The following RCAN2 variants were observed in gnomAD, a reference collection of about 807,000 sequenced individuals.
RCAN2 encodes calcipressin-2.
A neutral mutation model predicts 23.6 loss-of-function variants in RCAN2; 9 were observed. The observed-to-expected ratio is 0.38, with a 90% CI of 0.23 to 0.67. The LOEUF (loss-of-function observed/expected upper bound fraction) is 0.67. Among genes scored for constraint, RCAN2 ranks in the 30% least tolerant of loss-of-function variants. RCAN2 has a pLI of 0.51. For synonymous variants in RCAN2, 109 were observed against 115.7 expected (o/e 0.94, Z 0.37); for missense variants, 273 against 302.3 (o/e 0.90, Z 0.72).
In RCAN2 at chr6:46,312,123, C is replaced by A. The variant is rs544595256; in HGVS notation, c.226-63227G>T. On this transcript the variant is annotated intron_variant, in intron 2 of 4. Transcript: ENST00000371374. ...CACCTACTAAATGTAGATACTTAACCTATGAAGCTGTAACTCATGGGTTAC... is the reference window on the plus strand; with the variant it reads ...CACCTACTAAATGTAGATACTTAACATATGAAGCTGTAACTCATGGGTTAC... Among the ~76,000 whole-genome samples, 117 of 152,246 alleles carry A rather than the reference C, an allele frequency of 7.7e-4. 1 individual carries two copies. Among genetic ancestry groups the A allele is most frequent in the African/African-American group, 2.8e-3 (115 of 41,548 alleles).
intron 2 of RCAN2, among the ~76,000 whole-genome samples, chr6:46,328,803 GT>G (rs1763873149): frequency 1.3e-5 from 2 of 152,180 alleles, no homozygotes; most frequent in East Asian, 3.9e-4. Flanking sequence ...AAGAGATGGG[GT>G]TTCACCATGT....
At chr6:46,331,823 A>G (rs149801996) in intron 2 of RCAN2, among the ~76,000 whole-genome samples, 4 of 152,334 alleles carry the variant, frequency 2.6e-5, no homozygotes, top group African/African-American at 9.6e-5. Context: ...TTTCAGATCC[A>G]GGACTACAGA....
chr6:46,439,004 T>A (rs911270320), intron 2 of RCAN2, among the ~76,000 whole-genome samples: 2 of 152,220 alleles, frequency 1.3e-5, no homozygotes, highest in African/African-American at 4.8e-5. Flanking sequence ...CTTAGGTATA[T>A]CTTAGAATAT....
intron 2 of RCAN2, among the ~76,000 whole-genome samples, chr6:46,444,162 T>C (rs1582206582): frequency 6.6e-6 from 1 of 152,040 alleles, no homozygotes; most frequent in South Asian, 2.1e-4. Flanking sequence ...TCTAGGTAGG[T>C]GACACAAAAT....
At chr6:46,309,406 G>T (rs1276325873) in intron 2 of RCAN2, among the ~76,000 whole-genome samples, 1 of 152,140 alleles carries the variant, frequency 6.6e-6, no homozygotes, top group Non-Finnish European at 1.5e-5. Flanking sequence ...AGGAGACATG[G>T]TTGTTTAATA....
At chr6:46,431,299 G>A (rs56404766) in intron 2 of RCAN2, among the ~76,000 whole-genome samples, 5,214 of 152,150 alleles carry the variant, frequency 0.034, 175 homozygotes, top group South Asian at 0.12. Context: ...TCCACCTTCT[G>A]GGCTCAAGCA....
chr6:46,258,816 T>A (rs1767009286), intron 2 of RCAN2, among the ~76,000 whole-genome samples: 1 of 152,148 alleles, frequency 6.6e-6, no homozygotes, highest in African/African-American at 2.4e-5. Flanking sequence ...ATCTAAACAC[T>A]TAGAACTTGA....
chr6:46,285,696 A>C (rs1762354214), intron 2 of RCAN2, among the ~76,000 whole-genome samples: 1 of 152,016 alleles, frequency 6.6e-6, no homozygotes, highest in South Asian at 2.1e-4. Context: ...TTTCTACCAG[A>C]TCTTTGCTAT....
chr6:46,430,174 A>C (rs1767150276), intron 2 of RCAN2, among the ~76,000 whole-genome samples: 1 of 152,236 alleles, frequency 6.6e-6, no homozygotes, highest in Non-Finnish European at 1.5e-5. Context: ...GTCGCAGACC[A>C]AGACAGAGAC....
Position 46,233,098 on chromosome 6 carries a change from T to C in RCAN2, c.572-9797A>G, listed in dbSNP as rs79505441. 4.8e-3 allele frequency among the ~76,000 whole-genome samples: 727 copies of C among 152,204 alleles called. 2 individuals are homozygous for C. Among genetic ancestry groups the C allele is most frequent in the Non-Finnish European group, 8.4e-3 (573 of 68,010 alleles). On this transcript the variant is annotated intron_variant, in intron 4 of 4. Transcript: ENST00000371374. ...CTGAGAATGCATAAAGGAAAGGAGG[T>C]AAGGAATCCTGGATGGCTTCTCTGG... is the stretch of plus-strand genomic sequence containing the variant.
At chr6:46,363,853 C>A (rs1765090652) in intron 2 of RCAN2, among the ~76,000 whole-genome samples, 1 of 151,998 alleles carries the variant, frequency 6.6e-6, no homozygotes, top group Admixed American at 6.5e-5. Context: ...ATAAGGCAAC[C>A]AGTAAGATGT....
chr6:46,319,938 G>A (rs1582100607), intron 2 of RCAN2, among the ~76,000 whole-genome samples: 1 of 152,170 alleles, frequency 6.6e-6, no homozygotes, highest in East Asian at 1.9e-4. Context: ...GTCTAGAGAT[G>A]TATGACAAAA....
intron 2 of RCAN2, among the ~76,000 whole-genome samples, chr6:46,391,409 T>C (rs1765933812): frequency 2.0e-5 from 3 of 152,110 alleles, no homozygotes; most frequent in Admixed American, 2.0e-4. Flanking sequence ...ACTGGGGTGC[T>C]AGGAGTGACG....
chr6:46,256,522 A>T (rs1766922714), intron 2 of RCAN2, among the ~76,000 whole-genome samples: 1 of 152,194 alleles, frequency 6.6e-6, no homozygotes, highest in Admixed American at 6.5e-5. Flanking sequence ...TATAGTGTCA[A>T]ATATGAACAT....
At chr6:46,395,912 T>A (rs1766076724) in intron 2 of RCAN2, among the ~76,000 whole-genome samples, 1 of 152,196 alleles carries the variant, frequency 6.6e-6, no homozygotes, top group South Asian at 2.1e-4. Flanking sequence ...GAGTTCTGTG[T>A]GCAATGTCAT....
chr6:46,487,460 T>A (rs978573630), intron 1 of RCAN2, among the ~76,000 whole-genome samples: 1 of 152,228 alleles, frequency 6.6e-6, no homozygotes, highest in African/African-American at 2.4e-5. Context: ...TTTCCCTTTC[T>A]ACATGTCGTT....
chr6:46,232,197 G>A (rs142983491), intron 4 of RCAN2, among the ~76,000 whole-genome samples: 84 of 152,346 alleles, frequency 5.5e-4, no homozygotes, highest in Admixed American at 1.0e-3. Flanking sequence ...AACCCAGCAC[G>A]CTGTAATCCA....
intron 2 of RCAN2, among the ~76,000 whole-genome samples, chr6:46,326,350 C>T (rs1365074343): frequency 6.6e-6 from 1 of 152,180 alleles, no homozygotes; most frequent in Non-Finnish European, 1.5e-5. Flanking sequence ...GGACAGATGG[C>T]AGGGTCTAAC....
At chr6:46,278,384 C>T (rs1405255406) in intron 2 of RCAN2, among the ~76,000 whole-genome samples, 2 of 151,924 alleles carry the variant, frequency 1.3e-5, no homozygotes, top group African/African-American at 4.8e-5. Flanking sequence ...CCTTTACACA[C>T]ACACACACAT....
Sources: allele counts gnomAD v4.1 joint callset (sites outside exome capture counted in the v4.1 genomes callset), GRCh38; gene constraint gnomAD v4.1.1; transcripts MANE v1.5; gene names NCBI Gene and HGNC (gene_info 2026-07-23, HGNC 2026-07-21).